The following NR2F1-AS1 variants were observed in gnomAD, a reference collection of about 807,000 sequenced individuals.
The protein encoded by NR2F1-AS1 is NR2F1 regulatory antisense RNA 1, also known as NR2F1 antisense RNA 1.
At chr5:93,470,953 T>C (rs985429182) in intron 4 of NR2F1-AS1, among the ~76,000 whole-genome samples, 3 of 151,850 alleles carry the variant, frequency 2.0e-5, no homozygotes, top group Non-Finnish European at 3.0e-5. Context: ...TTATAACACA[T>C]ACAAAAATCA....
intron 4 of NR2F1-AS1, among the ~76,000 whole-genome samples, chr5:93,435,456 C>T (rs371384055): frequency 4.6e-5 from 7 of 152,090 alleles, no homozygotes; most frequent in African/African-American, 1.7e-4. Flanking sequence ...ATAGATTGTT[C>T]CACTATAACA....
intron 4 of NR2F1-AS1, among the ~76,000 whole-genome samples, chr5:93,428,939 C>T (rs1749250637): frequency 6.6e-6 from 1 of 152,022 alleles, no homozygotes; most frequent in South Asian, 2.1e-4. Context: ...CATATTATGT[C>T]CATTAAATTG....
chr5:93,510,547 T>C (rs1751274437), intron 4 of NR2F1-AS1, among the ~76,000 whole-genome samples: 2 of 152,186 alleles, frequency 1.3e-5, no homozygotes, highest in Admixed American at 6.5e-5. Context: ...GAAGCTTTTC[T>C]ACTAGCTTTT....
intron 4 of NR2F1-AS1, among the ~76,000 whole-genome samples, chr5:93,470,518 CTA>C (rs994467662): frequency 5.3e-5 from 8 of 149,942 alleles, no homozygotes; most frequent in South Asian, 4.2e-4. Context: ...AGTAGCATAT[CTA>C]TATATATATA....
chr5:93,466,568 C>A (rs1424414626), intron 4 of NR2F1-AS1, among the ~76,000 whole-genome samples: 5 of 151,970 alleles, frequency 3.3e-5, no homozygotes, highest in Non-Finnish European at 5.9e-5. Context: ...AAACTCCTGA[C>A]CTGAAGTGAC....
chr5:93,521,026 G>A (rs1469582805), intron 4 of NR2F1-AS1, among the ~76,000 whole-genome samples: 1 of 152,092 alleles, frequency 6.6e-6, no homozygotes, highest in African/African-American at 2.4e-5. Flanking sequence ...AAAGTGCATA[G>A]ACCAATGGAA....
intron 4 of NR2F1-AS1, among the ~76,000 whole-genome samples, chr5:93,508,197 C>T (rs1288399345): frequency 1.3e-5 from 2 of 152,062 alleles, no homozygotes; most frequent in East Asian, 3.9e-4. Flanking sequence ...ACGATTTATC[C>T]TAACAGCCAT....
chr5:93,571,364 A>C (rs1752763354), intron 1 of NR2F1-AS1: 1 of 150,982 alleles, frequency 6.6e-6, no homozygotes, highest in Non-Finnish European at 1.5e-5. Flanking sequence ...CTTCCCGGCT[A>C]GGGATGCGGA....
chr5:93,516,814 G>A (rs1454387187), intron 4 of NR2F1-AS1, among the ~76,000 whole-genome samples: 4 of 151,806 alleles, frequency 2.6e-5, no homozygotes, highest in Non-Finnish European at 5.9e-5. Context: ...TTAGAAACTA[G>A]GACAGAATAA....
intron 2 of NR2F1-AS1, among the ~76,000 whole-genome samples, chr5:93,559,952 A>G (rs1404119683): frequency 2.0e-5 from 3 of 152,312 alleles, no homozygotes; most frequent in Admixed American, 2.0e-4. Flanking sequence ...AATGGCACCA[A>G]TAGACATACT....
upstream of NR2F1-AS1, chr5:93,585,054 C>T: frequency 9.6e-7 from 1 of 1,038,008 alleles, no homozygotes; most frequent in Non-Finnish European, 1.2e-6. Flanking sequence ...CTGGCGAGAT[C>T]CGCAGGACGA....
intron 4 of NR2F1-AS1, among the ~76,000 whole-genome samples, chr5:93,526,296 A>G (rs562713765): frequency 3.9e-5 from 6 of 152,288 alleles, no homozygotes; most frequent in African/African-American, 1.4e-4. Flanking sequence ...TCCCAATATG[A>G]AGAAGTGGAA....
chr5:93,523,657 A>G (rs1751552167), intron 4 of NR2F1-AS1, among the ~76,000 whole-genome samples: 1 of 152,164 alleles, frequency 6.6e-6, no homozygotes, highest in Admixed American at 6.5e-5. Context: ...AGAGGAAAGA[A>G]CAGGCAGCAA....
At chr5:93,418,620 T>TAAAA (rs1749020313) in intron 4 of NR2F1-AS1, among the ~76,000 whole-genome samples, 1 of 147,634 alleles carries the variant, frequency 6.8e-6, no homozygotes. Context: ...AATAAATAAA[T>TAAAA]AAAAACCTCC....
chr5:93,411,748 T>C (rs2305783), intron 4 of NR2F1-AS1, among the ~76,000 whole-genome samples: 2 of 152,232 alleles, frequency 1.3e-5, no homozygotes, highest in South Asian at 2.1e-4. Flanking sequence ...AAATATCACA[T>C]ACCTGCATAT....
At chr5:93,496,959 G>A (rs1219743495) in intron 4 of NR2F1-AS1, among the ~76,000 whole-genome samples, 5 of 152,136 alleles carry the variant, frequency 3.3e-5, no homozygotes, top group South Asian at 2.1e-4. Context: ...CAATGGTTCC[G>A]ACTTTCAATA....
chr5:93,442,195 C>T (rs188825363), intron 4 of NR2F1-AS1, among the ~76,000 whole-genome samples: 3 of 152,242 alleles, frequency 2.0e-5, no homozygotes, highest in Admixed American at 1.3e-4. Context: ...TGGGGCTTGT[C>T]GGACAGTGGG....
intron 1 of NR2F1-AS1, chr5:93,571,099 A>G (rs1752754439): frequency 1.3e-5 from 2 of 152,288 alleles, no homozygotes; most frequent in South Asian, 4.1e-4. Flanking sequence ...GGGGCCCTGC[A>G]GCACCGAGGG....
chr5:93,465,249 T>C (rs1473624921), intron 4 of NR2F1-AS1, among the ~76,000 whole-genome samples: 2 of 152,046 alleles, frequency 1.3e-5, no homozygotes, highest in Non-Finnish European at 2.9e-5. Flanking sequence ...AACAACCCCA[T>C]TAAAAAGTGG....
Sources: gnomAD v4.1 joint callset for allele counts (sites outside exome capture counted in the v4.1 genomes callset) on GRCh38, gnomAD v4.1.1 for gene constraint, MANE v1.5 for transcripts, NCBI Gene and HGNC (gene_info 2026-07-23, HGNC 2026-07-21) for gene names.